Variants in NIBAN1 observed in about 807,000 individuals in gnomAD.
NIBAN1 encodes the protein protein Niban 1.
Under a neutral mutation model 75.1 loss-of-function variants are expected in NIBAN1, and 81 were observed. The ratio of observed to expected loss-of-function variants is 1.08; its 90% CI spans 0.90 to 1.30. NIBAN1 has a LOEUF of 1.30. NIBAN1 is among the 50% of genes most tolerant of loss of function. The pLI is 0.00. For synonymous variants in NIBAN1, 436 were observed against 424.8 expected (o/e 1.03, Z -0.32); for missense variants, 1,133 against 1,128.1 (o/e 1.00, Z -0.06).
At chr1:184,823,904 C>G (rs556468233) in intron 6 of NIBAN1, among the ~76,000 whole-genome samples, 162 bp from the exon 7 acceptor site, 1 of 152,338 alleles carries the variant, frequency 6.6e-6, no homozygotes, top group East Asian at 1.9e-4. Context: ...GAAATCTCAA[C>G]TAAGACAATC....
At chr1:184,952,547 C>T (rs1658385096) in intron 1 of NIBAN1, among the ~76,000 whole-genome samples, 1 of 152,152 alleles carries the variant, frequency 6.6e-6, no homozygotes. Flanking sequence ...TATGCTAACA[C>T]TAAGGATAGC....
chr1:184,882,127 C>T (rs779192279), intron 5 of NIBAN1, among the ~76,000 whole-genome samples: 1 of 152,130 alleles, frequency 6.6e-6, no homozygotes, highest in East Asian at 1.9e-4. Context: ...CATCTGCATG[C>T]GGGTAGAGGA....
intron 11 of NIBAN1, among the ~76,000 whole-genome samples, chr1:184,805,686 T>G (rs1654175687): frequency 6.6e-6 from 1 of 152,144 alleles, no homozygotes; most frequent in African/African-American, 2.4e-5. Flanking sequence ...TTTGTCGAGT[T>G]GGATCTCTAT....
At chr1:184,860,082 T>C (rs1655776771) in intron 5 of NIBAN1, among the ~76,000 whole-genome samples, 1 of 152,076 alleles carries the variant, frequency 6.6e-6, no homozygotes, top group South Asian at 2.1e-4. Context: ...GCTGGAAGAA[T>C]AGACCCACTC....
chr1:184,880,041 G>C (rs1037821663), intron 5 of NIBAN1, among the ~76,000 whole-genome samples: 2 of 152,108 alleles, frequency 1.3e-5, no homozygotes, highest in African/African-American at 4.8e-5. Context: ...TGTTCATGAC[G>C]ATGTGAACAC....
chr1:184,808,222 A>C lies in NIBAN1; in HGVS notation c.1187T>G (p.Leu396Arg), dbSNP rs201831300. ...SVQLKEHLDR[L>R]MNLPLHSVKM... ...CACGGAATGCAGCGGAAGATTCATA[A>C]GCCGGTCTAGATGCTGCATTTTGGT... The change falls in exon 10 of 14, where the codon CTT becomes CGT. Residue 396 changes from leucine (L) to arginine (R), a missense_variant. Physicochemically the swap from Leu to Arg is moderately radical, Grantham distance 102. Coordinates refer to ENST00000367511, the MANE Select transcript of NIBAN1 (RefSeq NM_052966.4). 31 of 1,614,100 alleles carry C rather than the reference A, an allele frequency of 1.9e-5. No individual in the cohort carries two copies. The South Asian group carries it at 2.3e-4, about 12-fold the overall frequency.
chr1:184,797,955 T>C (rs566672810), intron 13 of NIBAN1, 124 bp downstream of exon 13: 18 of 506,194 alleles, frequency 3.6e-5, no homozygotes, highest in Admixed American at 6.8e-5. Context: ...TCACTGTCTG[T>C]CTCCCTCCCT....
chr1:184,938,760 C>T (rs1474196921), intron 1 of NIBAN1, among the ~76,000 whole-genome samples: 1 of 152,084 alleles, frequency 6.6e-6, no homozygotes, highest in Non-Finnish European at 1.5e-5. Context: ...GCATAAATGC[C>T]AAATATAAAT....
At chr1:184,820,182 T>C (rs1654655665) in intron 8 of NIBAN1, among the ~76,000 whole-genome samples, 1 of 152,204 alleles carries the variant, frequency 6.6e-6, no homozygotes, top group Admixed American at 6.5e-5. Context: ...GATAAATTAA[T>C]TATTAGTTAA....
At chr1:184,908,952 G>C (rs1227176964) in intron 1 of NIBAN1, among the ~76,000 whole-genome samples, 2 of 152,150 alleles carry the variant, frequency 1.3e-5, no homozygotes, top group Admixed American at 1.3e-4. Flanking sequence ...AATCCATGAA[G>C]AATAACAATG....
intron 9 of NIBAN1, among the ~76,000 whole-genome samples, chr1:184,814,461 G>A (rs544579986): frequency 2.9e-4 from 44 of 152,192 alleles, no homozygotes; most frequent in Admixed American, 7.2e-4. Context: ...GATAATGAAA[G>A]GTTTTTGTTT....
At chr1:184,890,289 A>C (rs1656634285) in intron 3 of NIBAN1, 67 bp from the exon 4 acceptor site, 1 of 1,055,268 alleles carries the variant, frequency 9.5e-7, no homozygotes, top group African/African-American at 1.6e-5. Flanking sequence ...AATATCAGGG[A>C]TATAACAAAT....
At chr1:184,954,667 A>C (rs1253782913) in intron 1 of NIBAN1, among the ~76,000 whole-genome samples, 2 of 152,230 alleles carry the variant, frequency 1.3e-5, no homozygotes, top group African/African-American at 4.8e-5. Flanking sequence ...GCTTATGTGT[A>C]ACTCAGAATC....
chr1:184,890,129 T>A lies in NIBAN1; in HGVS notation c.412A>T (p.Arg138Trp), dbSNP rs1028025152. Residue 138 changes from arginine to tryptophan, a missense_variant, in exon 4 of 14, where the codon AGG (arginine) becomes TGG (tryptophan). Physicochemically the swap from Arg to Trp is moderately radical, Grantham distance 101 (BLOSUM62 -3). Coordinates refer to ENST00000367511, the MANE Select transcript of NIBAN1 (RefSeq NM_052966.4). Reference sequence around the variant, plus strand: ...TCACCAAGAGGGTCTGGGAAATGCCTGTCAGACAACAGATTATATTCATCT... The same window carrying A: ...TCACCAAGAGGGTCTGGGAAATGCCAGTCAGACAACAGATTATATTCATCT... Reference protein sequence around the residue: ...SEDEYNLLSDRHFPDPLASSE... With the variant: ...SEDEYNLLSDWHFPDPLASSE... 6.2e-7 allele frequency: 1 copy of A among 1,613,750 alleles called. No individual in the cohort carries two copies. Among genetic ancestry groups the A allele is most frequent in the Non-Finnish European group, 8.5e-7 (1 of 1,179,734 alleles).
intron 1 of NIBAN1, among the ~76,000 whole-genome samples, chr1:184,922,623 T>C (rs1050778649): frequency 2.0e-5 from 3 of 152,218 alleles, no homozygotes; most frequent in African/African-American, 7.2e-5. Flanking sequence ...TTTTGTTGTT[T>C]TGAGTTGGAG....
At chr1:184,880,577 C>G (rs559689497) in intron 5 of NIBAN1, among the ~76,000 whole-genome samples, 39 of 152,322 alleles carry the variant, frequency 2.6e-4, no homozygotes, top group African/African-American at 9.1e-4. Flanking sequence ...CTGGCCCTCC[C>G]ATATCCTATT....
intron 1 of NIBAN1, among the ~76,000 whole-genome samples, chr1:184,971,577 G>A (rs1658937641): frequency 6.6e-6 from 1 of 152,106 alleles, no homozygotes; most frequent in African/African-American, 2.4e-5. Flanking sequence ...GGCTGAGGCA[G>A]GAGAATCACT....
chr1:184,852,071 C>A (rs1387475831), intron 5 of NIBAN1, among the ~76,000 whole-genome samples: 4 of 152,138 alleles, frequency 2.6e-5, no homozygotes, highest in African/African-American at 9.7e-5. Flanking sequence ...CTCTCTCTCC[C>A]TTAGGACGGG....
chr1:184,933,971 A>C (rs557214619), intron 1 of NIBAN1, among the ~76,000 whole-genome samples: 1 of 152,310 alleles, frequency 6.6e-6, no homozygotes, highest in South Asian at 2.1e-4. Context: ...CCGAACCTTT[A>C]CTGGAAGTTG....
Sources: allele counts gnomAD v4.1 joint callset (sites outside exome capture counted in the v4.1 genomes callset), GRCh38; gene constraint gnomAD v4.1.1; transcripts MANE v1.5; gene names NCBI Gene and HGNC (gene_info 2026-07-23, HGNC 2026-07-21).